DDX54: variants seen among roughly 807,000 people sequenced by gnomAD.
DDX54 encodes DEAD-box helicase 54.
A neutral mutation model predicts 105.5 loss-of-function variants in DDX54; 67 were observed. The ratio of observed to expected loss-of-function variants is 0.64; its 90% CI spans 0.52 to 0.78. The LOEUF is 0.78. Among genes scored for constraint, DDX54 ranks in the 30% least tolerant of loss-of-function variants. The pLI is 0.00. For missense variants in DDX54, 1,206 were observed against 1,230.5 expected, an observed-to-expected ratio of 0.98 and a Z score of 0.30; for synonymous variants, 514 against 509.9, an observed-to-expected ratio of 1.01 and a Z score of -0.11.
At position 113,162,947 on chromosome 12, in the gene DDX54, C is replaced by A; in HGVS notation, c.2180G>T (p.Arg727Leu). ...GDEAQNLTRG[R>L]QQLKWDRKKK... ...GATCACTCACCACTTGAGCTGCTGC[C>A]GGCCCCTCGTCAGGTTCTGGGCTTC... Residue 727 changes from arginine (R) to leucine (L), a missense_variant, in exon 17 of 20, where the codon CGG (arginine) becomes CTG (leucine). By Grantham distance (102) the Arg-to-Leu change is moderately radical (BLOSUM62 -2). Coordinates refer to ENST00000306014, the MANE Select transcript of DDX54 (RefSeq NM_024072.4). 6.2e-7 allele frequency: 1 copy of A among 1,601,434 alleles called. No individual in the cohort carries two copies. Among genetic ancestry groups the A allele is most frequent in the Non-Finnish European group, 8.5e-7 (1 of 1,177,010 alleles).
intron 3 of DDX54, 79 bp downstream of exon 3, chr12:113,179,856 G>C: frequency 6.0e-6 from 9 of 1,500,760 alleles, no homozygotes; most frequent in South Asian, 1.1e-5. Flanking sequence ...GTGGGACAAG[G>C]GGTGGCTGTC....
chr12:113,167,845 G>A (rs1374088972), intron 12 of DDX54: 2 of 448,334 alleles, frequency 4.5e-6, no homozygotes, highest in African/African-American at 4.1e-5. Context: ...TGTAGAGCCT[G>A]TACGGGGCTG....
At chr12:113,172,136 G>GT (rs1347485671) in intron 11 of DDX54, among the ~76,000 whole-genome samples, 6 of 150,542 alleles carry the variant, frequency 4.0e-5, no homozygotes, top group African/African-American at 9.7e-5. Context: ...TTTTTTTTTG[G>GT]TTTTTTTGAG....
chr12:113,169,266 C>T (rs1352601042), intron 12 of DDX54, among the ~76,000 whole-genome samples: 9 of 148,510 alleles, frequency 6.1e-5, no homozygotes, highest in African/African-American at 1.5e-4. Context: ...GAAGTTGCAG[C>T]GAGCCATGAT....
Position 113,172,381 on chromosome 12 carries a change from G to T in DDX54, c.1251C>A (p.Ala417=). 1 of 1,614,186 alleles carries T rather than the reference G, an allele frequency of 6.2e-7. No individual in the cohort carries two copies. Among genetic ancestry groups the T allele is most frequent in the Non-Finnish European group, 8.5e-7 (1 of 1,180,020 alleles). Residue 417 remains alanine, a synonymous_variant, in exon 11 of 20, where the codon GCC becomes GCA. Transcript: ENST00000306014. ...CGCGGTGCAGGAAGAGTTTGCCCTT[G>T]GCGGGGAAGCTGTAGTTGATGACAT... ...LDNVINYSFP[A]KGKLFLHRVG... is the part of the protein sequence containing the mutation.
chr12:113,169,681 G>C (rs1479862483), intron 12 of DDX54, 89 bp downstream of exon 12: 1 of 1,429,180 alleles, frequency 7.0e-7, no homozygotes. Context: ...TCTTCTGCTG[G>C]GGTCAAACCC....
chr12:113,169,849 A>G lies in DDX54; in HGVS notation c.1335T>C (p.Asp445=). The G allele has an allele frequency of 6.2e-7, 1 of 1,614,080 alleles. No individual in the cohort carries two copies. The highest frequency in any genetic ancestry group is 8.5e-7 in the Non-Finnish European group (1 of 1,180,016). ...SGTAYSLVAP[D]EIPYLLDLHL... is the part of the protein sequence containing the mutation. ...GCAGATCCAGCAGGTAGGGGATTTC[A>G]TCAGGGGCCACCAAGGAGTAGGCTG... Residue 445 remains aspartate, a synonymous_variant, in exon 12 of 20, where the codon GAT becomes GAC. Coordinates refer to ENST00000306014, the MANE Select transcript of DDX54 (RefSeq NM_024072.4).
intron 11 of DDX54, among the ~76,000 whole-genome samples, chr12:113,171,278 T>C (rs569024615): frequency 1.3e-5 from 2 of 152,174 alleles, no homozygotes; most frequent in Non-Finnish European, 2.9e-5. Flanking sequence ...AGATTTTGTC[T>C]GACGGATAGA....
At chr12:113,167,490 C>T (rs973882713) in intron 12 of DDX54, among the ~76,000 whole-genome samples, 1 of 152,224 alleles carries the variant, frequency 6.6e-6, no homozygotes, top group African/African-American at 2.4e-5. Context: ...TAATTACCAA[C>T]ATTTGGCCAA....
At chr12:113,171,382 A>T (rs1952337470) in intron 11 of DDX54, among the ~76,000 whole-genome samples, 1 of 152,084 alleles carries the variant, frequency 6.6e-6, no homozygotes, top group Non-Finnish European at 1.5e-5. Flanking sequence ...CAGATGCATC[A>T]CTTGAGGTTA....
At chr12:113,181,176 A>G in intron 1 of DDX54, 118 bp from the exon 2 acceptor site, 1 of 1,264,164 alleles carries the variant, frequency 7.9e-7, no homozygotes, top group Non-Finnish European at 1.0e-6. Context: ...TGCTTCCGCC[A>G]GATCACGTCA....
Position 113,181,041 on chromosome 12 carries a change from G to A in DDX54, c.192C>T (p.Pro64=), listed in dbSNP as rs1952461043. ...ARARKLGPGR[P]LPTFPTSECT... The stretch of plus-strand genomic sequence containing the variant: ...ATTCCGAGGTGGGGAAGGTGGGCAG[G>A]GGTCTTCCAGGTCCCAGCTGGGAGG... The change falls in exon 2 of 20, where the codon CCC becomes CCT. Residue 64 remains proline, a synonymous_variant. Transcript: ENST00000306014. 6.2e-7 allele frequency: 1 copy of A among 1,612,526 alleles called. No homozygotes were observed. Among genetic ancestry groups the A allele is most frequent in the Non-Finnish European group, 8.5e-7 (1 of 1,179,394 alleles).
chr12:113,158,554 G>T lies in DDX54; in HGVS notation c.*323C>A, dbSNP rs987309600. ...ATTGCCAAACCCTGAGGCACTCAGG[G>T]CTCTGACCGGTGCAGCCATGACCTC... On this transcript the variant is annotated 3_prime_UTR_variant, in exon 20 of 20. Transcript: ENST00000306014. This position sits in a 1 kb window ranked among gnomAD's most constrained non-coding sequence, Gnocchi z 4.9. The T allele has an allele frequency of 1.0e-5, 3 of 293,964 alleles. No homozygotes were observed. The highest frequency in any genetic ancestry group is 2.3e-4 in the South Asian group (2 of 8,796). 18.2% of individuals were successfully genotyped at this position (293,964 alleles called of 1,614,324 possible). A position where few individuals can be genotyped will look rare whatever the true frequency, so the allele number is the denominator to read the frequency against.
chr12:113,185,022 A>C (rs1393570177), intron 1 of DDX54, among the ~76,000 whole-genome samples: 1 of 152,094 alleles, frequency 6.6e-6, no homozygotes, highest in Non-Finnish European at 1.5e-5. Flanking sequence ...CCAATGAGAG[A>C]CGCGCGACCA....
In DDX54 at chr12:113,161,953, T is replaced by C. The variant is rs1005915884; in HGVS notation, c.2240A>G (p.Asp747Gly). 3.1e-6 allele frequency: 5 copies of C among 1,613,300 alleles called. No individual in the cohort carries two copies. The highest frequency in any genetic ancestry group is 3.3e-5 in the Admixed American group (2 of 59,986). ...GCTCTCTGTCTTAATCTTCTTCTTG[T>C]CTTCCTGTCCTGACTGTCCCACAAA... Reference protein sequence around the residue: ...KRFVGQSGQEDKKKIKTESGR... With the variant: ...KRFVGQSGQEGKKKIKTESGR... The change falls in exon 18 of 20, where the codon GAC becomes GGC. Residue 747 changes from aspartate (D) to glycine (G), a missense_variant. Coordinates refer to ENST00000306014, the MANE Select transcript of DDX54 (RefSeq NM_024072.4).
Position 113,165,787 on chromosome 12 carries a change from T to G in DDX54, c.1645+15A>C. ...AAGGCCCACCTGCCACCCCCTGCCT[T>G]GTAGAAGGACTCACTGAAGAGGGGG... On this transcript the variant is annotated intron_variant, in intron 13 of 19. Coordinates refer to ENST00000306014, the MANE Select transcript of DDX54 (RefSeq NM_024072.4). 1 of 1,600,368 alleles carries G rather than the reference T, an allele frequency of 6.2e-7. No homozygotes were observed. The highest frequency in any genetic ancestry group is 8.5e-7 in the Non-Finnish European group (1 of 1,170,626).
rs181373189 is a variant in DDX54 at position 113,168,386 on chromosome 12, T to C, written c.1414+1384A>G. On this transcript the variant is annotated intron_variant, in intron 12 of 19. Transcript: ENST00000306014. The stretch of plus-strand genomic sequence containing the variant: ...TGAGTCTTGGGCCTCTGGGGGGGCC[T>C]GAATCTCAGCTCCCCACCTCCCTGC... Among the ~76,000 whole-genome samples the C allele has an allele frequency of 7.5e-3, 1,140 of 152,328 alleles. 11 individuals carry two copies. The highest frequency in any genetic ancestry group is 0.026 in the African/African-American group (1,064 of 41,574).
chr12:113,171,589 G>C (rs1374281890), intron 11 of DDX54, among the ~76,000 whole-genome samples: 1 of 147,944 alleles, frequency 6.8e-6, no homozygotes, highest in South Asian at 2.1e-4. Context: ...GGGGTACAAA[G>C]CAAGACTCTC....
In DDX54 at chr12:113,163,199, C is replaced by T. The variant is rs772899532; in HGVS notation, c.2014G>A (p.Glu672Lys). ...AATTCCTGGTCCCGCTGCCGGGCCT[C>T]CTCCCTCCGCCTCTTGGCTCCCCTG... Reference protein sequence around the residue: ...PNRGAKRRREEARQRDQEFYI... With the variant: ...PNRGAKRRREKARQRDQEFYI... Residue 672 changes from glutamate to lysine, a missense_variant, in exon 16 of 20, where the codon GAG becomes AAG. Glu to Lys is a moderately conservative substitution (Grantham distance 56). Transcript: ENST00000306014. The surrounding 1 kb of genome is among the most constrained non-coding windows in gnomAD (Gnocchi z 5.9). The T allele has an allele frequency of 3.7e-6, 6 of 1,612,424 alleles. No homozygotes were observed. In the South Asian group the frequency reaches 6.6e-5, roughly 18 times the overall value.
Sources: gnomAD v4.1 joint callset for allele counts (sites outside exome capture counted in the v4.1 genomes callset) on GRCh38, gnomAD v4.1.1 for gene constraint, Gnocchi (gnomAD v3.1) non-coding constraint, MANE v1.5 for transcripts, NCBI Gene and HGNC (gene_info 2026-07-23, HGNC 2026-07-21) for gene names.